The following HBS1L variants were observed in gnomAD, a reference collection of about 807,000 sequenced individuals.
The protein encoded by HBS1L is HBS1 like translational GTPase.
Under a neutral mutation model 88.9 loss-of-function variants are expected in HBS1L, and 55 were observed. The ratio of observed to expected loss-of-function variants is 0.62; its 90% CI spans 0.50 to 0.77. The LOEUF is 0.77. Ranked by LOEUF, HBS1L falls within the 30% of genes least tolerant of loss-of-function variation. The pLI, the probability that HBS1L is intolerant of heterozygous loss-of-function variation, is 0.00. For synonymous variants in HBS1L, 267 were observed against 288.5 expected (o/e 0.93, Z 0.76); for missense variants, 741 against 829.3 (o/e 0.89, Z 1.31).
intron 4 of HBS1L, among the ~76,000 whole-genome samples, chr6:135,035,628 G>A (rs1171610900): frequency 1.3e-5 from 2 of 151,518 alleles, no homozygotes; most frequent in Admixed American, 6.6e-5. Context: ...GTGGGCACCA[G>A]TAGTCCCAGC....
chr6:134,985,312 TGAA>T (rs752737119), intron 12 of HBS1L, 26 bp downstream of exon 12: 111 of 1,488,262 alleles, frequency 7.5e-5, no homozygotes, highest in Middle Eastern at 5.3e-4. Context: ...GGGGCTATAC[TGAA>T]GAAGCACTAC....
intron 3 of HBS1L, 147 bp downstream of exon 3, chr6:135,041,853 TA>T (rs1203116780): frequency 3.2e-6 from 2 of 617,998 alleles, no homozygotes; most frequent in African/African-American, 1.8e-5. Context: ...ACATACTTAA[TA>T]AAACATAAAC....
rs543616654 is a variant in HBS1L at position 134,983,530 on chromosome 6, T to C, written c.1493-968A>G. On this transcript the variant is annotated intron_variant, in intron 12 of 17. Transcript: ENST00000367837. ...ATGAAACTAAGGACAAGATCCATTT[T>C]AGGCTTGGTAAATCTGAAGTGTCTA... 4.9e-4 allele frequency: 75 copies of C among 152,260 alleles called. 1 individual carries two copies. Among genetic ancestry groups the C allele is most frequent in the African/African-American group, 1.7e-3 (71 of 41,568 alleles). 9.4% of individuals were successfully genotyped at this position (152,260 alleles called of 1,614,324 possible).
chr6:135,001,761 T>C (rs1775465429), intron 5 of HBS1L, among the ~76,000 whole-genome samples: 1 of 152,114 alleles, frequency 6.6e-6, no homozygotes, highest in African/African-American at 2.4e-5. Flanking sequence ...TTCACTGACT[T>C]TGAAATCTAG....
intron 16 of HBS1L, 31 bp downstream of exon 16, chr6:134,969,207 T>C (rs761564666): frequency 4.8e-6 from 7 of 1,445,716 alleles, no homozygotes; most frequent in Non-Finnish European, 6.8e-6. Context: ...CTTAAATTGC[T>C]TGTTTATCAT....
chr6:135,037,188 C>T, intron 4 of HBS1L: 1 of 1,551,742 alleles, frequency 6.4e-7, no homozygotes, highest in Non-Finnish European at 8.7e-7. Flanking sequence ...CGGGTGAAGA[C>T]TGACAGCGAT....
chr6:135,039,856 T>C (rs1219995293), intron 3 of HBS1L, 89 bp from the exon 4 acceptor site: 7 of 1,116,486 alleles, frequency 6.3e-6, no homozygotes, highest in African/African-American at 1.6e-5. Flanking sequence ...AATTTACAGC[T>C]GTACTAGAAT....
chr6:135,026,840 A>ATATAT (rs1268521815), intron 4 of HBS1L: 1 of 151,638 alleles, frequency 6.6e-6, no homozygotes, highest in African/African-American at 2.4e-5. Flanking sequence ...CAAGAGTGTT[A>ATATAT]TATATTAACT....
intron 1 of HBS1L, among the ~76,000 whole-genome samples, chr6:135,053,915 T>A (rs569850728): frequency 6.6e-6 from 1 of 152,338 alleles, no homozygotes; most frequent in African/African-American, 2.4e-5. Flanking sequence ...CAGACATTTT[T>A]ATTTCATTTT....
Position 134,978,725 on chromosome 6 carries a change from C to A in HBS1L, c.1751G>T (p.Arg584Leu). 2 of 1,609,164 alleles carry A rather than the reference C, an allele frequency of 1.2e-6. No homozygotes were observed. The highest frequency in any genetic ancestry group is 2.2e-5 in the East Asian group (1 of 44,736). The change falls in exon 15 of 18, where the codon CGA (arginine) becomes CTA (leucine). Residue 584 changes from arginine to leucine, a missense_variant. Around this residue, in one of 3 missense-constraint regions of HBS1L, gnomAD observed 181 missense variants for 212.7 expected, o/e 0.85. Coordinates refer to ENST00000367837, the MANE Select transcript of HBS1L (RefSeq NM_006620.4). The stretch of plus-strand genomic sequence containing the variant: ...AATTTCAATATTAAAGATGAGGATT[C>A]GGGCTCTGAAACGAGTGCAAGCTTT... ...PIKACTRFRARILIFNIEIPI... is the reference protein window; with the variant it reads ...PIKACTRFRALILIFNIEIPI...
At chr6:134,993,116 T>A (rs1213170388) in intron 8 of HBS1L, among the ~76,000 whole-genome samples, 1 of 152,218 alleles carries the variant, frequency 6.6e-6, no homozygotes, top group Non-Finnish European at 1.5e-5. Flanking sequence ...AGGTTCCATG[T>A]AGCCTAGGTG....
intron 4 of HBS1L, among the ~76,000 whole-genome samples, chr6:135,030,901 G>A (rs927759734): frequency 6.6e-6 from 1 of 151,718 alleles, no homozygotes; most frequent in African/African-American, 2.4e-5. Flanking sequence ...GACATGTGCA[G>A]AGCAGCGAAA....
chr6:135,010,699 T>C (rs1285699172), intron 4 of HBS1L, among the ~76,000 whole-genome samples: 1 of 152,140 alleles, frequency 6.6e-6, no homozygotes, highest in African/African-American at 2.4e-5. Context: ...AATGATCTGG[T>C]AGAACAAATC....
chr6:135,054,616 A>G, intron 1 of HBS1L, 33 bp downstream of exon 1: 5 of 1,612,348 alleles, frequency 3.1e-6, no homozygotes, highest in East Asian at 2.2e-5. Flanking sequence ...TGTAGCCGGG[A>G]AAAGAACGTC....
At chr6:135,041,320 CA>C (rs1321763589) in intron 3 of HBS1L, among the ~76,000 whole-genome samples, 1 of 151,732 alleles carries the variant, frequency 6.6e-6, no homozygotes, top group Non-Finnish European at 1.5e-5. Flanking sequence ...GAAACTGTAA[CA>C]AAATAGTATA....
intron 10 of HBS1L, among the ~76,000 whole-genome samples, chr6:134,986,425 T>A (rs1774981072): frequency 6.6e-6 from 1 of 152,114 alleles, no homozygotes; most frequent in Non-Finnish European, 1.5e-5. Flanking sequence ...ATACTACAGA[T>A]GCTTGCTGGA....
chr6:134,997,422 C>T lies in HBS1L; in HGVS notation c.774G>A (p.Lys258=). The T allele has an allele frequency of 2.5e-6, 4 of 1,613,986 alleles. No homozygotes were observed. Among genetic ancestry groups the T allele is most frequent in the Non-Finnish European group, 3.4e-6 (4 of 1,179,926 alleles). ...CAATGACCACTAAGTTGAGTAGCTG[C>T]TTCCCTCCTTGCCGCTTCTCCAGTT... is the stretch of plus-strand genomic sequence containing the variant. The part of the protein sequence containing the change: ...KAELEKRQGG[K]QLLNLVVIGH... Residue 258 remains lysine, a synonymous_variant, in exon 6 of 18, where the codon AAG becomes AAA. Transcript: ENST00000367837.
intron 2 of HBS1L, among the ~76,000 whole-genome samples, chr6:135,049,490 A>G (rs937854204): frequency 6.6e-6 from 1 of 152,228 alleles, no homozygotes; most frequent in African/African-American, 2.4e-5. Context: ...CTTGTGAAAA[A>G]TGAGTTTTAT....
chr6:135,051,843 G>T (rs1023250395), intron 1 of HBS1L, among the ~76,000 whole-genome samples: 5 of 152,166 alleles, frequency 3.3e-5, no homozygotes, highest in African/African-American at 1.2e-4. Context: ...CTAACACCAT[G>T]CCAGGGAGTA....
Sources: gnomAD v4.1 joint callset for allele counts (sites outside exome capture counted in the v4.1 genomes callset) on GRCh38, gnomAD v4.1.1 for gene constraint, gnomAD v4.1.1 regional missense constraint, MANE v1.5 for transcripts, NCBI Gene and HGNC (gene_info 2026-07-23, HGNC 2026-07-21) for gene names.